The following STARD13 variants were observed in gnomAD, a reference collection of about 807,000 sequenced individuals.
STARD13 encodes the protein stAR-related lipid transfer protein 13.
Under a neutral mutation model 106.4 loss-of-function variants are expected in STARD13, and 62 were observed. The observed-to-expected ratio is 0.58, with a 90% CI of 0.48 to 0.72. STARD13 has a LOEUF of 0.72. STARD13 is among the 30% of genes least tolerant of loss of function. The probability of loss-of-function intolerance (pLI) is 0.00; values close to 1 mark genes in which losing one functional copy is unlikely to be tolerated. For missense variants in STARD13, 1,387 were observed against 1,424.0 expected (o/e 0.97, Z 0.42); for synonymous variants, 565 against 553.0 (o/e 1.02, Z -0.31).
At chr13:33,501,859 A>G in the STARD13 span, among the ~76,000 whole-genome samples, 3 of 151,570 alleles carry the variant, frequency 2.0e-5, no homozygotes, top group Non-Finnish European at 4.4e-5. Context: ...ATGGCAATGC[A>G]GGCTCTTTTT....
chr13:33,161,083 G>A (rs1465041677), intron 3 of STARD13, among the ~76,000 whole-genome samples: 1 of 152,162 alleles, frequency 6.6e-6, no homozygotes, highest in Non-Finnish European at 1.5e-5. Flanking sequence ...TTCAGAAATA[G>A]AAAGCAATGA....
At chr13:33,448,626 G>A in the STARD13 span, among the ~76,000 whole-genome samples, 1 of 152,222 alleles carries the variant, frequency 6.6e-6, no homozygotes, top group Non-Finnish European at 1.5e-5. Flanking sequence ...ACCCAGTAGT[G>A]GGATTGCTGG....
the STARD13 span, among the ~76,000 whole-genome samples, chr13:33,641,093 G>A: frequency 6.6e-6 from 1 of 152,178 alleles, no homozygotes; most frequent in Non-Finnish European, 1.5e-5. Flanking sequence ...TAGACTGAGT[G>A]GGGAAACCCA....
chr13:33,556,927 T>C, the STARD13 span, among the ~76,000 whole-genome samples: 1 of 152,282 alleles, frequency 6.6e-6, no homozygotes, highest in South Asian at 2.1e-4. Context: ...CTAATTTTTG[T>C]ATTTTTTGTA....
At chr13:33,473,790 G>A in the STARD13 span, among the ~76,000 whole-genome samples, 2 of 152,152 alleles carry the variant, frequency 1.3e-5, no homozygotes, top group Non-Finnish European at 2.9e-5. Context: ...TAGGAAGAAT[G>A]GTTTTTAACA....
the STARD13 span, among the ~76,000 whole-genome samples, chr13:33,544,487 AGTTTAT>A: frequency 5.3e-5 from 8 of 152,340 alleles, no homozygotes; most frequent in South Asian, 2.1e-4. Context: ...TTGTTAGATA[AGTTTAT>A]GTTTATGATA....
intron 4 of STARD13, chr13:33,138,859 C>A (rs1468132453): frequency 8.3e-6 from 4 of 479,348 alleles, no homozygotes; most frequent in East Asian, 5.9e-5. Context: ...GGTCCCTTTT[C>A]TCTTCTGCAA....
At chr13:33,503,418 T>C in the STARD13 span, among the ~76,000 whole-genome samples, 48 of 152,350 alleles carry the variant, frequency 3.2e-4, no homozygotes, top group South Asian at 7.9e-3. Flanking sequence ...TCTTGCCTTC[T>C]GCTAGCTTTT....
At chr13:33,318,632 A>G (rs2321173) in intron 1 of STARD13, among the ~76,000 whole-genome samples, 139,510 of 152,078 alleles carry the variant, frequency 0.92, 65,179 homozygotes, top group East Asian at 1. Context: ...TGAAGAGACA[A>G]CCCACAGAAT....
chr13:33,493,278 G>A, the STARD13 span, among the ~76,000 whole-genome samples: 17 of 152,064 alleles, frequency 1.1e-4, no homozygotes, highest in African/African-American at 3.9e-4. Flanking sequence ...TTAGATTCAG[G>A]GATCTTGTCT....
the STARD13 span, chr13:33,654,674 A>C: frequency 6.6e-6 from 1 of 152,264 alleles, no homozygotes; most frequent in African/African-American, 2.4e-5. Context: ...TTAAAATATA[A>C]TCTATTGAAA....
chr13:33,334,727 T>C (rs1309778800), intron 1 of STARD13, among the ~76,000 whole-genome samples: 2 of 152,132 alleles, frequency 1.3e-5, no homozygotes, highest in East Asian at 3.9e-4. Flanking sequence ...AAACATTCCA[T>C]GGCATAAGCC....
At chr13:33,594,680 G>T in the STARD13 span, among the ~76,000 whole-genome samples, 1 of 151,944 alleles carries the variant, frequency 6.6e-6, no homozygotes, top group Non-Finnish European at 1.5e-5. Flanking sequence ...CCTCATTCCT[G>T]CCTCTCCCCA....
chr13:33,350,456 A>G (rs887382046), exon 1 of STARD13: 2 of 1,508,734 alleles, frequency 1.3e-6, no homozygotes. Context: ...CTCCACCGCC[A>G]CTCCCGCGTG....
the STARD13 span, among the ~76,000 whole-genome samples, chr13:33,576,616 A>G: frequency 6.6e-6 from 1 of 152,136 alleles, no homozygotes; most frequent in Non-Finnish European, 1.5e-5. Context: ...AAAACAAAAA[A>G]CCACATATCA....
chr13:33,114,128 A>G (rs1388260618), intron 8 of STARD13, among the ~76,000 whole-genome samples: 1 of 152,228 alleles, frequency 6.6e-6, no homozygotes, highest in East Asian at 1.9e-4. Context: ...TATAATGTGC[A>G]TAGTACATTA....
chr13:33,130,225 C>A lies in STARD13; in HGVS notation c.452G>T (p.Arg151Leu). 2.5e-6 allele frequency: 4 copies of A among 1,610,136 alleles called. No individual in the cohort carries two copies. Among genetic ancestry groups the A allele is most frequent in the African/African-American group, 1.3e-5 (1 of 74,956 alleles). ...GAGGTCGTCCACACGAGACCACCTG[C>A]GACTGGTTCTTTGGAAAGTCCATTT... ...SNKWTFQRTS[R>L]RWSRVDDLYT... Residue 151 changes from arginine to leucine, a missense_variant, in exon 5 of 14, where the codon CGC (arginine) becomes CTC (leucine). By Grantham distance (102) the Arg-to-Leu change is moderately radical. Coordinates refer to ENST00000336934, the MANE Select transcript of STARD13 (RefSeq NM_178006.4). The surrounding 1 kb of genome is among the most constrained non-coding windows in gnomAD (Gnocchi z 4.1).
chr13:33,409,521 C>T, the STARD13 span, among the ~76,000 whole-genome samples: 1 of 152,230 alleles, frequency 6.6e-6, no homozygotes, highest in Non-Finnish European at 1.5e-5. Context: ...TTCTTCTTCT[C>T]ATCATGCATC....
chr13:33,399,146 T>C, the STARD13 span, among the ~76,000 whole-genome samples: 3 of 152,148 alleles, frequency 2.0e-5, no homozygotes, highest in African/African-American at 7.2e-5. Flanking sequence ...AATGGAGTAT[T>C]ATTCAGGCAT....
Sources: allele counts gnomAD v4.1 joint callset (sites outside exome capture counted in the v4.1 genomes callset), GRCh38; gene constraint gnomAD v4.1.1; non-coding constraint Gnocchi (gnomAD v3.1); transcripts MANE v1.5; gene names NCBI Gene and HGNC (gene_info 2026-07-23, HGNC 2026-07-21).